PCDH11X: variants seen among roughly 807,000 people sequenced by gnomAD.
PCDH11X encodes protocadherin-11 X-linked.
In PCDH11X, 18 loss-of-function variants were observed where a neutral mutation model predicts 53.3. That is an observed-to-expected ratio of 0.34 (90% CI 0.23 to 0.50). The LOEUF (loss-of-function observed/expected upper bound fraction) is 0.50, where lower values mean the gene tolerates loss of function less well. Ranked by LOEUF, PCDH11X falls within the 20% of genes least tolerant of loss-of-function variation. The probability of loss-of-function intolerance (pLI) is 0.98; values close to 1 mark genes in which losing one functional copy is unlikely to be tolerated. For missense variants in PCDH11X, 570 were observed against 1,032.4 expected (o/e 0.55, Z 6.14); for synonymous variants, 279 against 393.3 (o/e 0.71, Z 3.44).
intron 4 of PCDH11X, among the ~76,000 whole-genome samples, chrX:91,825,052 A>G (rs1020208882): frequency 1.8e-5 from 2 of 111,067 alleles, no homozygotes; most frequent in Non-Finnish European, 3.8e-5. Flanking sequence ...CCAACTGCAT[A>G]CTGGGAGAAC....
intron 6 of PCDH11X, among the ~76,000 whole-genome samples, chrX:91,919,548 C>A (rs1941678165): frequency 9.0e-6 from 1 of 111,029 alleles, no homozygotes; most frequent in African/African-American, 3.3e-5. Flanking sequence ...AACATCCTCA[C>A]CAAAGCTTTT....
intron 6 of PCDH11X, among the ~76,000 whole-genome samples, chrX:91,924,480 T>G (rs34327268): frequency 8.9e-6 from 1 of 111,916 alleles, no homozygotes; most frequent in African/African-American, 3.2e-5. Flanking sequence ...ATTTGTATTG[T>G]GTTAAGCCAC....
chrX:92,390,286 A>G (rs899631297), intron 9 of PCDH11X, among the ~76,000 whole-genome samples: 6 of 110,027 alleles, frequency 5.5e-5, no homozygotes, highest in Admixed American at 4.9e-4. Context: ...AGACCTTACT[A>G]AAAGTGCAAG....
chrX:91,796,780 T>C (rs1427142909), intron 1 of PCDH11X, among the ~76,000 whole-genome samples: 2 of 111,311 alleles, frequency 1.8e-5, no homozygotes, highest in Admixed American at 1.9e-4. Flanking sequence ...ATCTTAGATG[T>C]CTACTTCTGT....
At chrX:92,533,169 G>A (rs768288324) in intron 10 of PCDH11X, among the ~76,000 whole-genome samples, 1 of 111,109 alleles carries the variant, frequency 9.0e-6, no homozygotes, top group East Asian at 2.8e-4. Flanking sequence ...GGAGGAAAAA[G>A]TAAAAAAGGT....
chrX:92,136,061 C>T (rs113991328), intron 6 of PCDH11X, among the ~76,000 whole-genome samples: 3,454 of 111,050 alleles, frequency 0.031, 144 homozygotes, highest in African/African-American at 0.11. Flanking sequence ...AAGCACATGG[C>T]AAGGAAGTCT....
chrX:92,260,072 G>T (rs1389810052), intron 7 of PCDH11X, among the ~76,000 whole-genome samples: 3 of 109,665 alleles, frequency 2.7e-5, no homozygotes, highest in African/African-American at 1.0e-4. Context: ...GATCAGTGAT[G>T]CCAACCCTCC....
chrX:92,533,045 A>G (rs1355744476), intron 10 of PCDH11X, among the ~76,000 whole-genome samples: 4 of 111,006 alleles, frequency 3.6e-5, no homozygotes, highest in Non-Finnish European at 7.5e-5. Flanking sequence ...TATGAGAGCT[A>G]CAAGATGAGA....
chrX:91,844,363 A>G (rs960923055), intron 5 of PCDH11X, among the ~76,000 whole-genome samples: 1 of 110,545 alleles, frequency 9.0e-6, no homozygotes, highest in African/African-American at 3.3e-5. Flanking sequence ...TATCTCTTGA[A>G]TCAAATGTCT....
At chrX:92,276,711 G>C (rs1395755638) in intron 8 of PCDH11X, among the ~76,000 whole-genome samples, 1 of 111,626 alleles carries the variant, frequency 9.0e-6, no homozygotes, top group Non-Finnish European at 1.9e-5. Flanking sequence ...GGGTTTGACG[G>C]CCAGATTCTA....
chrX:91,998,894 C>CTTTTA (rs751332097), intron 6 of PCDH11X, among the ~76,000 whole-genome samples: 1,404 of 108,663 alleles, frequency 0.013, 19 homozygotes, highest in African/African-American at 0.033. Flanking sequence ...GTTTCTTTTC[C>CTTTTA]TTTTATTTTA....
chrX:91,969,647 A>C (rs2061919698), intron 6 of PCDH11X, among the ~76,000 whole-genome samples: 1 of 108,173 alleles, frequency 9.2e-6, no homozygotes, highest in African/African-American at 3.4e-5. Flanking sequence ...AAAAATAAAA[A>C]ATTACCAGGG....
chrX:91,839,602 CA>C (rs1187886913), intron 5 of PCDH11X, among the ~76,000 whole-genome samples: 2 of 105,339 alleles, frequency 1.9e-5, no homozygotes, highest in Non-Finnish European at 3.9e-5. Flanking sequence ...AGACTGTCTC[CA>C]AAAAAAATAA....
chrX:92,141,534 A>G lies in PCDH11X; in HGVS notation c.3034-59841A>G, dbSNP rs752516304. Among the ~76,000 whole-genome samples, 3 of 112,186 alleles carry G rather than the reference A, an allele frequency of 2.7e-5. No homozygotes were observed. In the East Asian group the frequency reaches 8.4e-4, roughly 32 times the overall value. The stretch of plus-strand genomic sequence containing the variant: ...GAAGACGAAGCTCTTTCGCTTCCCC[A>G]TTTTAAATTCCATATTGTTTGTGAG... On this transcript the variant is annotated intron_variant, in intron 6 of 10. Coordinates refer to ENST00000682573, the MANE Select transcript of PCDH11X (RefSeq NM_032968.5).
At chrX:92,419,275 C>CTTTTTTTTTTTTTTGTTTTTT (rs200748988) in intron 9 of PCDH11X, among the ~76,000 whole-genome samples, 1 of 88,938 alleles carries the variant, frequency 1.1e-5, no homozygotes, top group Non-Finnish European at 2.2e-5. Context: ...TTTTTTTGTT[C>CTTTTTTTTTTTTTTGTTTTTT]TTTTTTTTTT....
chrX:92,164,032 T>C (rs1178100177), intron 6 of PCDH11X, among the ~76,000 whole-genome samples: 1 of 112,208 alleles, frequency 8.9e-6, no homozygotes, highest in African/African-American at 3.3e-5. Flanking sequence ...TACTGTATTA[T>C]GTTGCCATCA....
At chrX:91,793,768 T>A (rs1260136254) in intron 1 of PCDH11X, among the ~76,000 whole-genome samples, 3 of 111,264 alleles carry the variant, frequency 2.7e-5, no homozygotes, top group African/African-American at 9.8e-5. Flanking sequence ...CACTAAGGTG[T>A]ATTACTCTGG....
At chrX:92,198,688 C>T (rs757956093) in intron 6 of PCDH11X, among the ~76,000 whole-genome samples, 55 of 110,935 alleles carry the variant, frequency 5.0e-4, no homozygotes, top group African/African-American at 1.8e-3. Flanking sequence ...AAATTACCTG[C>T]ATCTTATTAT....
intron 6 of PCDH11X, among the ~76,000 whole-genome samples, chrX:92,178,114 T>C (rs1344817750): frequency 9.0e-6 from 1 of 111,113 alleles, no homozygotes; most frequent in African/African-American, 3.3e-5. Flanking sequence ...GTACAGAAAC[T>C]AAAACATTTT....
Sources: gnomAD v4.1 joint callset for allele counts (sites outside exome capture counted in the v4.1 genomes callset) on GRCh38, gnomAD v4.1.1 for gene constraint, MANE v1.5 for transcripts, NCBI Gene and HGNC (gene_info 2026-07-23, HGNC 2026-07-21) for gene names.